Variants in CACNA1C observed in about 807,000 individuals in gnomAD.
The protein encoded by CACNA1C is calcium voltage-gated channel subunit alpha1 C.
CACNA1C carries 30 observed loss-of-function variants against 229.0 expected under a neutral mutation model. The ratio of observed to expected loss-of-function variants is 0.13; its 90% CI spans 0.10 to 0.18. The LOEUF (loss-of-function observed/expected upper bound fraction) is 0.18, where lower values mean the gene tolerates loss of function less well. CACNA1C is among the 10% of genes least tolerant of loss of function. The probability of loss-of-function intolerance (pLI) is 1.00; values close to 1 mark genes in which losing one functional copy is unlikely to be tolerated. For missense variants in CACNA1C, 1,658 were observed against 2,845.0 expected, an observed-to-expected ratio of 0.58 and a Z score of 9.49; for synonymous variants, 1,114 against 1,132.5, an observed-to-expected ratio of 0.98 and a Z score of 0.33.
intron 3 of CACNA1C, among the ~76,000 whole-genome samples, chr12:2,335,292 G>A (rs779511555): frequency 3.9e-5 from 6 of 152,068 alleles, no homozygotes; most frequent in Non-Finnish European, 7.4e-5. Context: ...ATGCCTGCAG[G>A]CTCCCACCTT....
At chr12:2,288,868 A>G (rs2093095958) in intron 3 of CACNA1C, 1 of 152,212 alleles carries the variant, frequency 6.6e-6, no homozygotes, top group African/African-American at 2.4e-5. Context: ...CCTGAAAATT[A>G]CAATGTAAAT....
chr12:2,418,438 C>T (rs571414358), intron 3 of CACNA1C, among the ~76,000 whole-genome samples: 6 of 152,220 alleles, frequency 3.9e-5, no homozygotes, highest in Middle Eastern at 3.4e-3. Flanking sequence ...GGCAGAGTTG[C>T]GGGCCTGACG....
intron 9 of CACNA1C, among the ~76,000 whole-genome samples, chr12:2,539,273 AG>A (rs748779204): frequency 0.058 from 6,957 of 120,312 alleles, 186 homozygotes; most frequent in Non-Finnish European, 0.077. Context: ...AGATGCAGGC[AG>A]GGTTTAAGGA....
intron 3 of CACNA1C, among the ~76,000 whole-genome samples, chr12:2,366,181 T>A (rs7314049): frequency 1.7e-3 from 265 of 152,172 alleles, no homozygotes; most frequent in African/African-American, 6.1e-3. Flanking sequence ...GCCTCACCCC[T>A]GCCACTTACT....
chr12:2,411,917 G>T (rs1456671301), intron 3 of CACNA1C, among the ~76,000 whole-genome samples: 1 of 152,226 alleles, frequency 6.6e-6, no homozygotes, highest in Non-Finnish European at 1.5e-5. Flanking sequence ...AAAGGGGAAG[G>T]CGTTTGACTT....
chr12:2,552,927 A>T (rs1231223461), intron 10 of CACNA1C, among the ~76,000 whole-genome samples: 1 of 152,328 alleles, frequency 6.6e-6, no homozygotes, highest in African/African-American at 2.4e-5. Context: ...CAAGACAAGG[A>T]AGAAGTCACG....
chr12:2,190,842 A>G (rs2238047), intron 3 of CACNA1C, among the ~76,000 whole-genome samples: 52,097 of 151,898 alleles, frequency 0.34, 9,363 homozygotes, highest in South Asian at 0.39. Context: ...ACTTCTGCCG[A>G]CAGGCTGTGC....
At chr12:2,638,950 C>T (rs966767518) in intron 30 of CACNA1C, among the ~76,000 whole-genome samples, 1 of 152,202 alleles carries the variant, frequency 6.6e-6, no homozygotes, top group African/African-American at 2.4e-5. Flanking sequence ...CCCAAAGCCC[C>T]GGCACTAGAG....
Position 2,679,694 on chromosome 12 carries a change from C to T in CACNA1C, c.5342C>T (p.Pro1781Leu). ...ACCGCCCTGGGTCGCCTCCCTCGCC[C>T]CGCCGGCTACCCCAGCACGGTCAGC... is the stretch of plus-strand genomic sequence containing the variant. ...NNTALGRLPR[P>L]AGYPSTVSTV... The change falls in exon 42 of 47, where the codon CCC (proline) becomes CTC (leucine). Residue 1781 changes from proline (P) to leucine (L), a missense_variant. Pro to Leu is a moderately conservative substitution (Grantham distance 98, BLOSUM62 -3). Around this residue, in one of 20 missense-constraint regions of CACNA1C, gnomAD observed 590 missense variants for 700.8 expected, o/e 0.84. Coordinates refer to ENST00000399655, the MANE Select transcript of CACNA1C (RefSeq NM_000719.7). This position sits in a 1 kb window ranked among gnomAD's most constrained non-coding sequence, Gnocchi z 5.5. The T allele has an allele frequency of 6.2e-7, 1 of 1,612,002 alleles. No individual in the cohort carries two copies. The highest frequency in any genetic ancestry group is 2.2e-5 in the East Asian group (1 of 44,802).
At chr12:2,323,406 C>G (rs976720226) in intron 3 of CACNA1C, among the ~76,000 whole-genome samples, 60 of 152,156 alleles carry the variant, frequency 3.9e-4, no homozygotes, top group Non-Finnish European at 7.3e-4. Context: ...TTGGCAAAGA[C>G]CAAGGGAGGA....
At chr12:2,515,563 C>T (rs1342756106) in intron 9 of CACNA1C, among the ~76,000 whole-genome samples, 1 of 152,232 alleles carries the variant, frequency 6.6e-6, no homozygotes, top group Non-Finnish European at 1.5e-5. Context: ...GCCAAGTCAT[C>T]TTTTAAGAGA....
At chr12:1,998,052 A>G (rs924259875) in intron 1 of CACNA1C, 3 of 1,335,350 alleles carry the variant, frequency 2.2e-6, no homozygotes, top group Non-Finnish European at 3.1e-6. Context: ...ATTCTCATAG[A>G]ATAGGAATTA....
At chr12:2,056,897 C>T (rs908797382) in intron 1 of CACNA1C, among the ~76,000 whole-genome samples, 1 of 152,144 alleles carries the variant, frequency 6.6e-6, no homozygotes, top group Non-Finnish European at 1.5e-5. Flanking sequence ...TGTATACATA[C>T]ACACATGGAA....
rs2058215925 is a variant in CACNA1C at position 2,575,935 on chromosome 12, A to G, written c.1896-5655A>G. Among the ~76,000 whole-genome samples the G allele has an allele frequency of 6.6e-6, 1 of 152,236 alleles. No individual in the cohort carries two copies. Among genetic ancestry groups the G allele is most frequent in the South Asian group, 2.1e-4 (1 of 4,828 alleles). ...TATAGAAGAGGAGGAAGAATTCCAC[A>G]GAGCCCCAAACCCAGAGACAGACCT... On this transcript the variant is annotated intron_variant, in intron 13 of 46. Coordinates refer to ENST00000399655, the MANE Select transcript of CACNA1C (RefSeq NM_000719.7). The surrounding 1 kb of genome is among the most constrained non-coding windows in gnomAD (Gnocchi z 4.0).
At chr12:2,124,197 A>G (rs1308869669) in intron 3 of CACNA1C, among the ~76,000 whole-genome samples, 1 of 151,948 alleles carries the variant, frequency 6.6e-6, no homozygotes, top group African/African-American at 2.4e-5. Context: ...ACTATGATTA[A>G]TAGGGAAGAT....
chr12:2,418,654 C>G (rs540394188), intron 3 of CACNA1C, among the ~76,000 whole-genome samples: 1 of 152,266 alleles, frequency 6.6e-6, no homozygotes, highest in East Asian at 1.9e-4. Context: ...GATCCCTCCT[C>G]CAGCAAGTAA....
chr12:2,160,027 C>T (rs2095769330), intron 3 of CACNA1C, among the ~76,000 whole-genome samples: 1 of 152,150 alleles, frequency 6.6e-6, no homozygotes, highest in South Asian at 2.1e-4. Context: ...CTTATTTCCC[C>T]TTGTTTTCAT....
At chr12:2,548,413 G>A (rs1209917271) in intron 9 of CACNA1C, among the ~76,000 whole-genome samples, 1 of 152,188 alleles carries the variant, frequency 6.6e-6, no homozygotes, top group Non-Finnish European at 1.5e-5. Context: ...TACAGGAGGT[G>A]TGACACTTGT....
intron 3 of CACNA1C, among the ~76,000 whole-genome samples, chr12:2,284,518 C>T (rs896875997): frequency 6.6e-6 from 1 of 152,160 alleles, no homozygotes; most frequent in Non-Finnish European, 1.5e-5. Context: ...GCATACTGCC[C>T]GCTTCTATGC....
Sources: allele counts gnomAD v4.1 joint callset (sites outside exome capture counted in the v4.1 genomes callset), GRCh38; gene constraint gnomAD v4.1.1; regional missense constraint gnomAD v4.1.1; non-coding constraint Gnocchi (gnomAD v3.1); transcripts MANE v1.5; gene names NCBI Gene and HGNC (gene_info 2026-07-23, HGNC 2026-07-21).